SCTR: variants seen among roughly 807,000 people sequenced by gnomAD.
The protein encoded by SCTR is secretin receptor.
SCTR carries 56 observed loss-of-function variants against 60.8 expected under a neutral mutation model. The ratio of observed to expected loss-of-function variants is 0.92; its 90% confidence interval spans 0.74 to 1.15. The LOEUF (loss-of-function observed/expected upper bound fraction) is 1.15, where lower values mean the gene tolerates loss of function less well. Ranked by LOEUF, SCTR falls within the 50% of genes most tolerant of loss-of-function variation. The probability of loss-of-function intolerance (pLI) is 0.00; values close to 1 mark genes in which losing one functional copy is unlikely to be tolerated. For synonymous variants in SCTR, 202 were observed against 217.0 expected, an observed-to-expected ratio of 0.93 and a Z score of 0.61; for missense variants, 562 against 550.4, an observed-to-expected ratio of 1.02 and a Z score of -0.21.
intron 6 of SCTR, among the ~76,000 whole-genome samples, chr2:119,462,787 T>A (rs373921259): frequency 3.9e-5 from 6 of 152,328 alleles, no homozygotes; most frequent in South Asian, 4.2e-4. Context: ...GAGCGCCCGG[T>A]GCTGCCTGGG....
chr2:119,452,432 T>C (rs781357479), intron 8 of SCTR, among the ~76,000 whole-genome samples: 2 of 152,188 alleles, frequency 1.3e-5, no homozygotes, highest in African/African-American at 2.4e-5. Flanking sequence ...ATGGCTGACA[T>C]GTGACCTCAG....
intron 5 of SCTR, 40 bp downstream of exon 5, chr2:119,465,749 A>G: frequency 7.3e-7 from 1 of 1,368,402 alleles, no homozygotes; most frequent in South Asian, 1.2e-5. Flanking sequence ...TCTGTACCTG[A>G]GGAGGGCTGG....
At chr2:119,521,991 CA>C (rs1455224967) in intron 1 of SCTR, among the ~76,000 whole-genome samples, 1 of 152,166 alleles carries the variant, frequency 6.6e-6, no homozygotes, top group African/African-American at 2.4e-5. Context: ...GGCAGTAATG[CA>C]CATTTGAAAA....
chr2:119,498,898 T>C (rs1212739872), intron 1 of SCTR, among the ~76,000 whole-genome samples: 1 of 152,016 alleles, frequency 6.6e-6, no homozygotes, highest in Non-Finnish European at 1.5e-5. Context: ...TGACATTAAA[T>C]GTAAATGGTC....
chr2:119,464,460 A>G (rs2104806694), intron 5 of SCTR, among the ~76,000 whole-genome samples: 1 of 152,256 alleles, frequency 6.6e-6, no homozygotes, highest in East Asian at 1.9e-4. Context: ...GTGAGAAAAA[A>G]AAAAAAAAAG....
chr2:119,490,799 G>A (rs1678088170), intron 2 of SCTR, among the ~76,000 whole-genome samples: 1 of 152,148 alleles, frequency 6.6e-6, no homozygotes, highest in South Asian at 2.1e-4. Context: ...TCACCCACTG[G>A]CCCAGTATCC....
At chr2:119,469,775 G>A (rs896762715) in intron 4 of SCTR, among the ~76,000 whole-genome samples, 1 of 152,054 alleles carries the variant, frequency 6.6e-6, no homozygotes, top group African/African-American at 2.4e-5. Flanking sequence ...CTACAGGCAT[G>A]AGCCACCACA....
At chr2:119,468,691 G>A (rs1683938316) in intron 4 of SCTR, among the ~76,000 whole-genome samples, 1 of 152,214 alleles carries the variant, frequency 6.6e-6, no homozygotes, top group Admixed American at 6.5e-5. Flanking sequence ...TTTATTCTCA[G>A]TTACACTGAT....
intron 4 of SCTR, among the ~76,000 whole-genome samples, chr2:119,471,400 G>C (rs151031871): frequency 6.6e-6 from 1 of 152,064 alleles, no homozygotes; most frequent in Admixed American, 6.6e-5. Flanking sequence ...ACTCCTTGTC[G>C]AATCTCCTTA....
chr2:119,494,673 G>GGGCTTT, intron 1 of SCTR, 125 bp from the exon 2 acceptor site: 1 of 969,960 alleles, frequency 1.0e-6, no homozygotes, highest in Non-Finnish European at 1.5e-6. Context: ...TTGCCTGCAA[G>GGGCTTT]GATCTCCTGG....
chr2:119,445,550 A>G (rs1424230456), intron 11 of SCTR, among the ~76,000 whole-genome samples: 1 of 152,178 alleles, frequency 6.6e-6, no homozygotes, highest in Non-Finnish European at 1.5e-5. Flanking sequence ...CCCTGAACAG[A>G]GCTCTAGGGA....
chr2:119,461,113 G>A (rs1447074991), intron 7 of SCTR, among the ~76,000 whole-genome samples: 1 of 152,216 alleles, frequency 6.6e-6, no homozygotes, highest in Non-Finnish European at 1.5e-5. Context: ...GCTGGATTCA[G>A]CCTCTCCTGA....
At chr2:119,501,908 C>T (rs1678566059) in intron 1 of SCTR, among the ~76,000 whole-genome samples, 1 of 152,042 alleles carries the variant, frequency 6.6e-6, no homozygotes, top group South Asian at 2.1e-4. Context: ...AAACTAAACA[C>T]ACACAAACAA....
At chr2:119,459,337 A>T (rs1683505482) in intron 7 of SCTR, among the ~76,000 whole-genome samples, 1 of 152,230 alleles carries the variant, frequency 6.6e-6, no homozygotes, top group African/African-American at 2.4e-5. Context: ...ATGTGAGGAA[A>T]AACTGCAAGT....
intron 9 of SCTR, among the ~76,000 whole-genome samples, chr2:119,450,276 A>C (rs1558836685): frequency 6.6e-6 from 1 of 152,044 alleles, no homozygotes; most frequent in South Asian, 2.1e-4. Context: ...TTGCATCAGG[A>C]GTGCTCATCC....
At chr2:119,462,030 C>T (rs369041828) in intron 6 of SCTR, 30 bp from the exon 7 acceptor site, 1 of 1,577,154 alleles carries the variant, frequency 6.3e-7, no homozygotes, top group Non-Finnish European at 8.6e-7. Context: ...TGAACCCAGG[C>T]CGGGTGGCAG....
chr2:119,517,612 G>A (rs931905612), intron 1 of SCTR, among the ~76,000 whole-genome samples: 1 of 152,200 alleles, frequency 6.6e-6, no homozygotes, highest in East Asian at 1.9e-4. Context: ...AGGTGGACGC[G>A]TCTTACAGGA....
chr2:119,504,910 AGACAT>A (rs1240645056), intron 1 of SCTR, among the ~76,000 whole-genome samples: 3 of 152,218 alleles, frequency 2.0e-5, no homozygotes, highest in Non-Finnish European at 4.4e-5. Flanking sequence ...CATAAGCAAA[AGACAT>A]GAAGAGATAG....
At position 119,496,721 on chromosome 2, in the gene SCTR, T is replaced by A. The variant is rs1261511000; in HGVS notation, c.73-2173A>T. ...GACAAAAACAACCCCAGCAAATGCCTGATCTTTAGCCAACGACCAGGAAAG... is the reference window on the plus strand; with the variant it reads ...GACAAAAACAACCCCAGCAAATGCCAGATCTTTAGCCAACGACCAGGAAAG... On this transcript the variant is annotated intron_variant, in intron 1 of 12. Coordinates refer to ENST00000019103, the MANE Select transcript of SCTR (RefSeq NM_002980.3). Among the ~76,000 whole-genome samples, 3 of 152,238 alleles carry A rather than the reference T, an allele frequency of 2.0e-5. No individual in the cohort carries two copies. The East Asian group carries it at 5.8e-4, about 29-fold the overall frequency.
Sources: gnomAD v4.1 joint callset for allele counts (sites outside exome capture counted in the v4.1 genomes callset) on GRCh38, gnomAD v4.1.1 for gene constraint, MANE v1.5 for transcripts, NCBI Gene and HGNC (gene_info 2026-07-23, HGNC 2026-07-21) for gene names.